Variants in ZNF438 observed in about 807,000 individuals in gnomAD.
ZNF438 encodes the protein zinc finger protein 438.
In ZNF438, 25 loss-of-function variants were observed where a neutral mutation model predicts 38.0. The ratio of observed to expected loss-of-function variants is 0.66; its 90% confidence interval spans 0.48 to 0.92. The LOEUF (loss-of-function observed/expected upper bound fraction) is 0.92, where lower values mean the gene tolerates loss of function less well. Among genes scored for constraint, ZNF438 ranks in the 40% least tolerant of loss-of-function variants. The probability of loss-of-function intolerance (pLI) is 0.00; values close to 1 mark genes in which losing one functional copy is unlikely to be tolerated. For missense variants in ZNF438, 1,007 were observed against 999.6 expected (o/e 1.01, Z -0.10); for synonymous variants, 372 against 364.1 (o/e 1.02, Z -0.25).
intron 1 of ZNF438, among the ~76,000 whole-genome samples, chr10:31,020,169 T>C (rs941847585): frequency 6.6e-6 from 1 of 152,182 alleles, no homozygotes; most frequent in Non-Finnish European, 1.5e-5. Context: ...AGTAACCATA[T>C]TCAGGAATCA....
chr10:30,930,196 G>T (rs1421890128), intron 2 of ZNF438, among the ~76,000 whole-genome samples: 1 of 152,174 alleles, frequency 6.6e-6, no homozygotes, highest in African/African-American at 2.4e-5. Flanking sequence ...GGCATGGTGG[G>T]TTGCAGGTCC....
chr10:30,948,831 A>G (rs1364826583), intron 1 of ZNF438, among the ~76,000 whole-genome samples: 2 of 150,582 alleles, frequency 1.3e-5, no homozygotes, highest in African/African-American at 2.4e-5. Context: ...ACTCTGCAGG[A>G]TATTATCCAG....
chr10:30,963,277 A>G (rs1316552450), intron 1 of ZNF438, among the ~76,000 whole-genome samples: 1 of 151,250 alleles, frequency 6.6e-6, no homozygotes, highest in East Asian at 2.0e-4. Context: ...CTGTAATCCC[A>G]GCTACTCAGG....
At chr10:30,966,384 C>T (rs1020511288) in intron 1 of ZNF438, among the ~76,000 whole-genome samples, 3 of 151,810 alleles carry the variant, frequency 2.0e-5, no homozygotes, top group Admixed American at 6.6e-5. Flanking sequence ...TAAAAAGAAT[C>T]AAGGGGCCGG....
intron 1 of ZNF438, among the ~76,000 whole-genome samples, chr10:31,015,394 A>C (rs1003719558): frequency 5.3e-5 from 8 of 152,228 alleles, no homozygotes; most frequent in African/African-American, 1.9e-4. Flanking sequence ...CTGTCATCCC[A>C]GCACTTTGGG....
At chr10:30,860,038 C>T (rs2035320122) in intron 4 of ZNF438, among the ~76,000 whole-genome samples, 1 of 152,064 alleles carries the variant, frequency 6.6e-6, no homozygotes, top group Non-Finnish European at 1.5e-5. Flanking sequence ...ATCTAGAATC[C>T]CTCTTCCCCA....
At position 30,848,581 on chromosome 10, in the gene ZNF438, T is replaced by C. The variant is rs1176794909; in HGVS notation, c.1824A>G (p.Ile608Met). Reference sequence around the variant, plus strand: ...GCACACTCATGTCTCTGTTCTTTGGTATGTCTCCTGGCTGCAGTTCACTGG... The same window carrying C: ...GCACACTCATGTCTCTGTTCTTTGGCATGTCTCCTGGCTGCAGTTCACTGG... Residue 608 changes from isoleucine (I) to methionine (M), a missense_variant, in exon 5 of 6, where the codon ATA becomes ATG. Physicochemically the swap from Ile to Met is conservative, Grantham distance 10. Coordinates refer to ENST00000413025, the Ensembl canonical transcript of ZNF438. 6.2e-7 allele frequency: 1 copy of C among 1,614,096 alleles called. No homozygotes were observed. Among genetic ancestry groups the C allele is most frequent in the Non-Finnish European group, 8.5e-7 (1 of 1,180,046 alleles).
chr10:30,880,678 G>C (rs2039120480), intron 3 of ZNF438, among the ~76,000 whole-genome samples: 1 of 151,964 alleles, frequency 6.6e-6, no homozygotes, highest in African/African-American at 2.4e-5. Context: ...ATCAAAACCA[G>C]ACAAATCCAG....
chr10:30,999,696 G>C (rs2054447102), intron 1 of ZNF438, among the ~76,000 whole-genome samples: 1 of 152,114 alleles, frequency 6.6e-6, no homozygotes, highest in African/African-American at 2.4e-5. Context: ...AGACTGCCTG[G>C]CATTTTGACG....
rs186591994 is a variant in ZNF438, at chr10:30,845,290, A to G, written c.2158T>C (p.Ser720Pro). 1.9e-6 allele frequency: 3 copies of G among 1,614,006 alleles called. No individual in the cohort carries two copies. Among genetic ancestry groups the G allele is most frequent in the Non-Finnish European group, 2.5e-6 (3 of 1,179,984 alleles). ...CTTTTCAGTCTTGGACATGCATGTGATTCCTCGGAGGAGGAATGAACCTTC... is the reference window on the plus strand; with the variant it reads ...CTTTTCAGTCTTGGACATGCATGTGGTTCCTCGGAGGAGGAATGAACCTTC... The change falls in exon 6 of 6, where the codon TCA becomes CCA. Residue 720 changes from serine to proline, a missense_variant. Ser to Pro is a moderately conservative substitution (Grantham distance 74, BLOSUM62 -1). Transcript: ENST00000413025.
At chr10:30,972,952 AATCATCATC>A (rs750861405) in intron 1 of ZNF438, among the ~76,000 whole-genome samples, 6 of 151,988 alleles carry the variant, frequency 3.9e-5, no homozygotes, top group Non-Finnish European at 7.4e-5. Flanking sequence ...AGGGCAATTC[AATCATCATC>A]ATCATCATCA....
intron 1 of ZNF438, among the ~76,000 whole-genome samples, chr10:30,967,256 G>C (rs1016518745): frequency 2.0e-5 from 3 of 152,166 alleles, no homozygotes; most frequent in Admixed American, 6.5e-5. Context: ...GTGGGGAAAA[G>C]AAGAGCCAGT....
At chr10:31,001,008 A>G (rs1462979980) in intron 1 of ZNF438, among the ~76,000 whole-genome samples, 1 of 152,172 alleles carries the variant, frequency 6.6e-6, no homozygotes, top group Non-Finnish European at 1.5e-5. Flanking sequence ...TTATCTTACC[A>G]GAGAACAGTC....
At chr10:30,999,759 C>T (rs929772519) in intron 1 of ZNF438, among the ~76,000 whole-genome samples, 5 of 152,120 alleles carry the variant, frequency 3.3e-5, no homozygotes, top group Non-Finnish European at 5.9e-5. Flanking sequence ...ATACTTTAAT[C>T]GTTTTTAACT....
chr10:30,883,852 C>T (rs1248367662), intron 3 of ZNF438, among the ~76,000 whole-genome samples: 2 of 152,158 alleles, frequency 1.3e-5, no homozygotes, highest in African/African-American at 2.4e-5. Context: ...TGCCACTGCA[C>T]GCACTCCAGA....
At chr10:30,993,932 T>C (rs886609754) in intron 1 of ZNF438, among the ~76,000 whole-genome samples, 1 of 152,258 alleles carries the variant, frequency 6.6e-6, no homozygotes, top group Non-Finnish European at 1.5e-5. Flanking sequence ...TAAGATGTAA[T>C]GCTGTTTTCC....
chr10:30,978,432 G>A (rs955460602), intron 1 of ZNF438, among the ~76,000 whole-genome samples: 1 of 152,116 alleles, frequency 6.6e-6, no homozygotes, highest in African/African-American at 2.4e-5. Flanking sequence ...CAAAATTTGT[G>A]TACCAGGGTT....
At chr10:30,938,044 C>T (rs1435400780) in intron 2 of ZNF438, among the ~76,000 whole-genome samples, 1 of 152,134 alleles carries the variant, frequency 6.6e-6, no homozygotes, top group African/African-American at 2.4e-5. Context: ...CCCTGAAACT[C>T]TATTTACTAG....
chr10:30,965,200 GATC>G (rs2136109672), intron 1 of ZNF438, among the ~76,000 whole-genome samples: 1 of 152,256 alleles, frequency 6.6e-6, no homozygotes, highest in East Asian at 1.9e-4. Context: ...TAACATCACT[GATC>G]ATCGGAGAAA....
Sources: allele counts gnomAD v4.1 joint callset (sites outside exome capture counted in the v4.1 genomes callset), GRCh38; gene constraint gnomAD v4.1.1; transcripts MANE v1.5; gene names NCBI Gene and HGNC (gene_info 2026-07-23, HGNC 2026-07-21).